Variants in PDE4D observed in about 807,000 individuals in gnomAD.
The protein encoded by PDE4D is 3',5'-cyclic-AMP phosphodiesterase 4D.
A neutral mutation model predicts 87.4 loss-of-function variants in PDE4D; 24 were observed. The ratio of observed to expected loss-of-function variants is 0.27; its 90% CI spans 0.20 to 0.39. The LOEUF (loss-of-function observed/expected upper bound fraction) is 0.39, where lower values mean the gene tolerates loss of function less well. Among genes scored for constraint, PDE4D ranks in the 10% least tolerant of loss-of-function variants. The probability of loss-of-function intolerance (pLI) is 1.00; values close to 1 mark genes in which losing one functional copy is unlikely to be tolerated. For missense variants in PDE4D, 714 were observed against 1,041.0 expected (o/e 0.69, Z 4.32); for synonymous variants, 384 against 383.2 (o/e 1.00, Z -0.02).
At chr5:59,245,286 G>A (rs1211999485) in intron 1 of PDE4D, among the ~76,000 whole-genome samples, 1 of 152,094 alleles carries the variant, frequency 6.6e-6, no homozygotes, top group Admixed American at 6.6e-5. Flanking sequence ...ATGGTCAAGC[G>A]AATATGTGCT....
chr5:60,298,191 A>C (rs755735464), intron 1 of PDE4D, among the ~76,000 whole-genome samples: 2 of 152,162 alleles, frequency 1.3e-5, no homozygotes, highest in Non-Finnish European at 2.9e-5. Flanking sequence ...CAATTAACTT[A>C]TCAGGTACAG....
chr5:60,024,668 T>A (rs1410342756), intron 2 of PDE4D, among the ~76,000 whole-genome samples: 1 of 152,116 alleles, frequency 6.6e-6, no homozygotes, highest in African/African-American at 2.4e-5. Flanking sequence ...TGGCCACAAA[T>A]TTGTAAGTCA....
chr5:59,073,982 T>C (rs933427803), intron 5 of PDE4D, among the ~76,000 whole-genome samples: 3 of 152,188 alleles, frequency 2.0e-5, no homozygotes, highest in Non-Finnish European at 4.4e-5. Context: ...GGATTCTTGA[T>C]GCATGTTTGT....
At chr5:59,607,196 T>C (rs893955277) in intron 1 of PDE4D, among the ~76,000 whole-genome samples, 3 of 152,144 alleles carry the variant, frequency 2.0e-5, no homozygotes, top group African/African-American at 4.8e-5. Context: ...GTTCCCCATA[T>C]GCAAAATCAA....
At chr5:60,092,050 CAAAAAAAAAAAAAAAA>C (rs66814905) in intron 2 of PDE4D, among the ~76,000 whole-genome samples, 8 of 56,000 alleles carry the variant, frequency 1.4e-4, no homozygotes, top group African/African-American at 5.6e-4. Flanking sequence ...AACTCCGTCT[CAAAAAAAAAAAAAAAA>C]AAAAAAAAAA....
At chr5:59,659,737 G>A (rs1324542099) in intron 1 of PDE4D, among the ~76,000 whole-genome samples, 3 of 152,118 alleles carry the variant, frequency 2.0e-5, no homozygotes, top group Admixed American at 2.0e-4. Flanking sequence ...CCCTTGCCCA[G>A]CCATCAAAGG....
intron 6 of PDE4D, among the ~76,000 whole-genome samples, chr5:59,028,860 A>T (rs1449527122): frequency 1.3e-5 from 2 of 152,154 alleles, no homozygotes; most frequent in Non-Finnish European, 2.9e-5. Context: ...AGTGTTAGTA[A>T]ATGGTAGGCA....
chr5:59,016,374 A>T (rs1580312630), intron 6 of PDE4D, among the ~76,000 whole-genome samples: 4 of 133,466 alleles, frequency 3.0e-5, no homozygotes, highest in Non-Finnish European at 3.2e-5. Flanking sequence ...TCTGAGCCCT[A>T]GATTATCAGT....
At chr5:59,020,403 G>A (rs909499227) in intron 6 of PDE4D, among the ~76,000 whole-genome samples, 1 of 151,332 alleles carries the variant, frequency 6.6e-6, no homozygotes, top group Non-Finnish European at 1.5e-5. Context: ...AATCCAGGAG[G>A]TGGAGGTGGC....
intron 5 of PDE4D, among the ~76,000 whole-genome samples, chr5:59,161,146 C>T (rs1781039739): frequency 6.6e-6 from 1 of 151,866 alleles, no homozygotes; most frequent in South Asian, 2.1e-4. Context: ...TGTGTTAGCC[C>T]AAAATATCTG....
At chr5:60,248,611 A>G (rs1748060958) in intron 1 of PDE4D, among the ~76,000 whole-genome samples, 1 of 152,074 alleles carries the variant, frequency 6.6e-6, no homozygotes, top group African/African-American at 2.4e-5. Flanking sequence ...CAAAGGAAAT[A>G]GGACAGACTG....
chr5:60,194,847 G>A (rs1459344078), intron 1 of PDE4D, among the ~76,000 whole-genome samples: 1 of 151,420 alleles, frequency 6.6e-6, no homozygotes, highest in African/African-American at 2.4e-5. Context: ...CCTACTTCAA[G>A]TCCACCTTAA....
At chr5:60,442,675 C>T (rs1195801801) in intron 1 of PDE4D, among the ~76,000 whole-genome samples, 1 of 151,694 alleles carries the variant, frequency 6.6e-6, no homozygotes, top group Admixed American at 6.6e-5. Flanking sequence ...TAAAGCAAAG[C>T]CTGGGTAACA....
rs777036225 is a variant in PDE4D at position 59,893,384 on chromosome 5, G to C, written c.239C>G (p.Pro80Arg). ...GGGCGGCGGCGGGGGCGGCGGCAGG[G>C]GGGGCGGCGGCGGCGGCTGTAGCGG... ...QCPLQPPPPP[P>R]LPPPPPPPGA... The change falls in exon 1 of 15, where the codon CCC (proline) becomes CGC (arginine). Residue 80 changes from proline to arginine, a missense_variant. Pro to Arg is a moderately radical substitution (Grantham distance 103, BLOSUM62 -2). This residue lies in a region of PDE4D where 268 missense variants were observed against 272.9 expected (regional missense o/e 0.98). Transcript: ENST00000340635. 4.8e-6 allele frequency: 6 copies of C among 1,262,966 alleles called. No individual in the cohort carries two copies. Among genetic ancestry groups the C allele is most frequent in the Non-Finnish European group, 6.0e-6 (6 of 1,003,278 alleles). 78.2% of individuals were successfully genotyped at this position (1,262,966 alleles called of 1,614,324 possible).
intron 1 of PDE4D, among the ~76,000 whole-genome samples, chr5:59,457,591 C>T (rs1283743103): frequency 6.6e-6 from 1 of 152,120 alleles, no homozygotes; most frequent in African/African-American, 2.4e-5. Flanking sequence ...CCATTGTTCA[C>T]ATTTGCAGAT....
intron 1 of PDE4D, among the ~76,000 whole-genome samples, chr5:59,456,698 C>T (rs1799980002): frequency 6.6e-6 from 1 of 152,058 alleles, no homozygotes; most frequent in Non-Finnish European, 1.5e-5. Flanking sequence ...ATAGGAGTCA[C>T]CATTCTAGAT....
At chr5:59,566,577 T>G (rs773338915) in intron 1 of PDE4D, among the ~76,000 whole-genome samples, 7 of 54,614 alleles carry the variant, frequency 1.3e-4, no homozygotes, top group Middle Eastern at 0.013. Flanking sequence ...TGTGTGTGTG[T>G]GTGTGTGAGA....
intron 2 of PDE4D, among the ~76,000 whole-genome samples, chr5:60,114,238 T>C (rs1253085818): frequency 6.6e-6 from 1 of 152,144 alleles, no homozygotes; most frequent in Non-Finnish European, 1.5e-5. Flanking sequence ...GTATTTATTT[T>C]TACAAGATGG....
At chr5:60,491,814 T>G (rs12153798), upstream of PDE4D, among the ~76,000 whole-genome samples, 5 of 151,536 alleles carry the variant, frequency 3.3e-5, no homozygotes, top group African/African-American at 1.2e-4. Context: ...GCTCTGACTC[T>G]TAATTGTTAG....
Sources: allele counts gnomAD v4.1 joint callset (sites outside exome capture counted in the v4.1 genomes callset), GRCh38; gene constraint gnomAD v4.1.1; regional missense constraint gnomAD v4.1.1; transcripts MANE v1.5; gene names NCBI Gene and HGNC (gene_info 2026-07-23, HGNC 2026-07-21).